MYO1B: variants seen among roughly 807,000 people sequenced by gnomAD.
The protein encoded by MYO1B is myosin IB, also known as unconventional myosin-Ib.
In MYO1B, 72 loss-of-function variants were observed where a neutral mutation model predicts 159.7. The ratio of observed to expected loss-of-function variants is 0.45; its 90% confidence interval spans 0.37 to 0.55. The LOEUF is 0.55. Ranked by LOEUF, MYO1B falls within the 20% of genes least tolerant of loss-of-function variation. The pLI, the probability that MYO1B is intolerant of heterozygous loss-of-function variation, is 0.00. For missense variants in MYO1B, 1,062 were observed against 1,364.8 expected, an observed-to-expected ratio of 0.78 and a Z score of 3.50; for synonymous variants, 468 against 473.8, an observed-to-expected ratio of 0.99 and a Z score of 0.16.
At chr2:191,336,189 T>TA in intron 4 of MYO1B, among the ~76,000 whole-genome samples, 1 of 152,332 alleles carries the variant, frequency 6.6e-6, no homozygotes. Context: ...ATTTTACAGT[T>TA]ACATCAGTTT....
chr2:191,400,790 T>C lies in MYO1B; in HGVS notation c.2424T>C (p.Asn808=). The change falls in exon 23 of 31, where the codon AAT becomes AAC. Residue 808 remains asparagine (N), a synonymous_variant. Transcript: ENST00000392318. ...ELRRLKEEAR[N]KHAIAVIWAY... The stretch of plus-strand genomic sequence containing the variant: ...GACGGCTGAAGGAGGAGGCTAGGAA[T>C]AAACATGCTATTGCAGTTATTTGGG... 6.2e-7 allele frequency: 1 copy of C among 1,614,056 alleles called. No homozygotes were observed. The highest frequency in any genetic ancestry group is 8.5e-7 in the Non-Finnish European group (1 of 1,179,896).
At chr2:191,253,605 T>C (rs1686260330) in intron 1 of MYO1B, among the ~76,000 whole-genome samples, 1 of 152,068 alleles carries the variant, frequency 6.6e-6, no homozygotes, top group Non-Finnish European at 1.5e-5. Context: ...TGAAGCACAA[T>C]GAAATGTTGA....
chr2:191,369,419 G>A, intron 11 of MYO1B, 123 bp from the exon 12 acceptor site: 1 of 695,528 alleles, frequency 1.4e-6, no homozygotes, highest in South Asian at 2.2e-5. Flanking sequence ...CAAGAAAACT[G>A]GTTCTGCAAA....
intron 2 of MYO1B, among the ~76,000 whole-genome samples, chr2:191,279,720 G>A (rs1014082521): frequency 1.3e-5 from 2 of 151,948 alleles, no homozygotes; most frequent in African/African-American, 4.8e-5. Context: ...ACTGTCTTCT[G>A]CTTCACTCTG....
intron 6 of MYO1B, among the ~76,000 whole-genome samples, chr2:191,349,198 A>T (rs1195546447): frequency 6.6e-6 from 1 of 152,210 alleles, no homozygotes; most frequent in Non-Finnish European, 1.5e-5. Flanking sequence ...AGCTTTAAGG[A>T]AATGGTTGAG....
At chr2:191,419,467 C>T (rs889528328) in intron 30 of MYO1B, among the ~76,000 whole-genome samples, 21 of 152,324 alleles carry the variant, frequency 1.4e-4, no homozygotes, top group African/African-American at 5.1e-4. Flanking sequence ...ATCTGCCCGC[C>T]TCAGCCTCCC....
chr2:191,421,988 A>G (rs1487779964), intron 30 of MYO1B, among the ~76,000 whole-genome samples: 1 of 152,200 alleles, frequency 6.6e-6, no homozygotes, highest in Admixed American at 6.5e-5. Context: ...CAGAAGCACT[A>G]TCCTTATAAA....
At chr2:191,365,106 G>T (rs1189564793) in intron 11 of MYO1B, among the ~76,000 whole-genome samples, 1 of 152,140 alleles carries the variant, frequency 6.6e-6, no homozygotes, top group South Asian at 2.1e-4. Flanking sequence ...TGTTTGGATG[G>T]TTGCATGCCT....
chr2:191,369,703 T>G (rs971880699), intron 12 of MYO1B, 75 bp downstream of exon 12: 98 of 1,109,302 alleles, frequency 8.8e-5, no homozygotes, highest in Admixed American at 1.3e-4. Flanking sequence ...GAAGAAAGTT[T>G]AAATTTATAA....
At chr2:191,372,724 G>T (rs983713760) in intron 13 of MYO1B, among the ~76,000 whole-genome samples, 1 of 152,020 alleles carries the variant, frequency 6.6e-6, no homozygotes, top group African/African-American at 2.4e-5. Flanking sequence ...ATACCCTTCA[G>T]CAATCCAAGA....
At chr2:191,307,705 C>T (rs537231236) in intron 3 of MYO1B, among the ~76,000 whole-genome samples, 1 of 152,180 alleles carries the variant, frequency 6.6e-6, no homozygotes, top group Non-Finnish European at 1.5e-5. Context: ...GGTACCCTGA[C>T]TACTCACACT....
chr2:191,394,591 T>A (rs1559230191), intron 20 of MYO1B, among the ~76,000 whole-genome samples: 1 of 152,176 alleles, frequency 6.6e-6, no homozygotes, highest in Non-Finnish European at 1.5e-5. Context: ...AGAAAAATTA[T>A]AGACTGTTGT....
intron 13 of MYO1B, among the ~76,000 whole-genome samples, chr2:191,373,833 A>G (rs1694531381): frequency 6.6e-6 from 1 of 151,956 alleles, no homozygotes; most frequent in East Asian, 1.9e-4. Flanking sequence ...GCAGTAAATA[A>G]TTTTTCTTTT....
intron 27 of MYO1B, 138 bp downstream of exon 27, chr2:191,411,310 T>A (rs1181467180): frequency 1.8e-6 from 1 of 566,260 alleles, no homozygotes; most frequent in Non-Finnish European, 3.1e-6. Context: ...TATAATCAGC[T>A]TGATGTAAAC....
chr2:191,380,936 A>T (rs1418217250), intron 13 of MYO1B: 1 of 196,028 alleles, frequency 5.1e-6, no homozygotes, highest in East Asian at 1.2e-4. Flanking sequence ...TGTATATGAA[A>T]CTAATCTGTA....
At chr2:191,419,888 G>T (rs1433048435) in intron 30 of MYO1B, among the ~76,000 whole-genome samples, 1 of 152,172 alleles carries the variant, frequency 6.6e-6, no homozygotes, top group African/African-American at 2.4e-5. Flanking sequence ...TGTGTTTTAA[G>T]CTAAGTGTTA....
At chr2:191,296,288 G>C in intron 3 of MYO1B, 62 bp downstream of exon 3, 9 of 804,050 alleles carry the variant, frequency 1.1e-5, no homozygotes, top group South Asian at 3.4e-5. Flanking sequence ...GTTGACAGAT[G>C]TGTGCAGCTG....
intron 29 of MYO1B, 64 bp from the exon 30 acceptor site, chr2:191,416,051 G>A: frequency 6.5e-7 from 1 of 1,538,890 alleles, no homozygotes; most frequent in Non-Finnish European, 8.8e-7. Flanking sequence ...TTTTAGCCAA[G>A]CCTGTAAATA....
At chr2:191,335,096 C>T (rs772634133) in intron 4 of MYO1B, among the ~76,000 whole-genome samples, 3 of 152,118 alleles carry the variant, frequency 2.0e-5, no homozygotes, top group South Asian at 2.1e-4. Flanking sequence ...GATGAACTAT[C>T]GTCTTGGGTG....
Sources: allele counts gnomAD v4.1 joint callset (sites outside exome capture counted in the v4.1 genomes callset), GRCh38; gene constraint gnomAD v4.1.1; transcripts MANE v1.5; gene names NCBI Gene and HGNC (gene_info 2026-07-23, HGNC 2026-07-21).